Variants in ANKRD31 observed in about 807,000 individuals in gnomAD.
ANKRD31 encodes ankyrin repeat domain-containing protein 31.
A neutral mutation model predicts 186.0 loss-of-function variants in ANKRD31; 147 were observed. That is an observed-to-expected ratio of 0.79 (90% CI 0.69 to 0.91). The LOEUF is 0.91. ANKRD31 is among the 40% of genes least tolerant of loss of function. ANKRD31 has a pLI of 0.00. For synonymous variants in ANKRD31, 673 were observed against 736.4 expected, an observed-to-expected ratio of 0.91 and a Z score of 1.39; for missense variants, 1,986 against 2,148.8, an observed-to-expected ratio of 0.92 and a Z score of 1.50.
intron 3 of ANKRD31, among the ~76,000 whole-genome samples, chr5:75,213,801 AC>A (rs570666192): frequency 4.1e-4 from 62 of 152,314 alleles, no homozygotes; most frequent in Middle Eastern, 3.4e-3. Flanking sequence ...TATATCCTCA[AC>A]CAAAAAAGCA....
intron 2 of ANKRD31, among the ~76,000 whole-genome samples, chr5:75,225,071 C>G (rs1757552225): frequency 6.6e-6 from 1 of 152,110 alleles, no homozygotes; most frequent in Non-Finnish European, 1.5e-5. Flanking sequence ...TTTTATTTGA[C>G]ACAGACTGAA....
intron 10 of ANKRD31, among the ~76,000 whole-genome samples, chr5:75,187,110 T>TGTGTG (rs1754781261): frequency 1.2e-3 from 139 of 116,254 alleles, no homozygotes; most frequent in African/African-American, 4.5e-3. Flanking sequence ...TGATTCTGTT[T>TGTGTG]TGTGTGTGTG....
intron 23 of ANKRD31, among the ~76,000 whole-genome samples, chr5:75,087,591 T>C (rs1745600637): frequency 6.6e-6 from 1 of 151,984 alleles, no homozygotes. Context: ...TTTTAAGAAG[T>C]CAATCTTACA....
intron 19 of ANKRD31, among the ~76,000 whole-genome samples, chr5:75,115,419 A>C (rs967842915): frequency 6.6e-6 from 1 of 152,228 alleles, no homozygotes; most frequent in Non-Finnish European, 1.5e-5. Context: ...GGATCTAATT[A>C]AACTAAAGAG....
chr5:75,154,373 A>G (rs1275578854), intron 11 of ANKRD31, 28 bp from the exon 12 acceptor site: 23 of 1,516,650 alleles, frequency 1.5e-5, no homozygotes, highest in Non-Finnish European at 2.0e-5. Context: ...ATGTAAGGGA[A>G]CCCAGATTGA....
At chr5:75,174,632 CTCA>C (rs1753628730) in intron 10 of ANKRD31, among the ~76,000 whole-genome samples, 1 of 152,206 alleles carries the variant, frequency 6.6e-6, no homozygotes, top group Admixed American at 6.5e-5. Flanking sequence ...TGAAAAAATG[CTCA>C]TCATCACTGA....
At position 75,137,983 on chromosome 5, in the gene ANKRD31, T is replaced by C. The variant is rs768606220; in HGVS notation, c.3749A>G (p.His1250Arg). ...LNDNAGWTPL[H>R]EASNEGSIDI... ...AATAGATCCTTCATTAGATGCCTCA[T>C]GAAGTGGTGTCCAACCTAAAAAAAG... The change falls in exon 17 of 26, where the codon CAT (histidine) becomes CGT (arginine). Residue 1250 changes from histidine (H) to arginine (R), a missense_variant. Physicochemically the swap from His to Arg is conservative, Grantham distance 29 (BLOSUM62 0). Coordinates refer to ENST00000506364, the MANE Select transcript of ANKRD31 (RefSeq NM_001372053.1). 1.3e-6 allele frequency: 2 copies of C among 1,491,956 alleles called. No homozygotes were observed. The highest frequency in any genetic ancestry group is 2.7e-5 in the South Asian group (2 of 74,520). 92.4% of individuals were successfully genotyped at this position (1,491,956 alleles called of 1,614,324 possible).
intron 17 of ANKRD31, among the ~76,000 whole-genome samples, chr5:75,137,174 T>G (rs1237866522): frequency 2.0e-5 from 3 of 151,976 alleles, no homozygotes; most frequent in African/African-American, 7.3e-5. Context: ...ATAAAAAAAG[T>G]AGATACTTTA....
intron 21 of ANKRD31, among the ~76,000 whole-genome samples, chr5:75,106,411 AAAG>A (rs950802641): frequency 6.6e-6 from 1 of 152,084 alleles, no homozygotes; most frequent in African/African-American, 2.4e-5. Flanking sequence ...CTGGATGTTA[AAAG>A]AAGTAGTATA....
chr5:75,216,647 C>T (rs1399770212), intron 3 of ANKRD31, among the ~76,000 whole-genome samples: 1 of 152,080 alleles, frequency 6.6e-6, no homozygotes, highest in Non-Finnish European at 1.5e-5. Flanking sequence ...GATACACTTT[C>T]CTAAGTATGA....
chr5:75,081,695 A>G (rs1745088417), intron 24 of ANKRD31, among the ~76,000 whole-genome samples: 1 of 150,800 alleles, frequency 6.6e-6, no homozygotes, highest in African/African-American at 2.5e-5. Context: ...AGAGAGAGAG[A>G]GAGACAGAGA....
rs79483518 is a variant in ANKRD31, at chr5:75,214,549, A to T, written c.289-3684T>A. ...CCACGGGGGCTTTAAAAGACCATGC[A>T]GTGCATAATCTCTCCATGAGCTCTG... On this transcript the variant is annotated intron_variant, in intron 3 of 25. Transcript: ENST00000506364. 2.4e-3 allele frequency among the ~76,000 whole-genome samples: 369 copies of T among 152,314 alleles called. 9 individuals are homozygous for T. The East Asian group carries it at 0.062, about 25-fold the overall frequency.
At position 75,146,779 on chromosome 5, in the gene ANKRD31, G is replaced by T; in HGVS notation, c.2632C>A (p.Pro878Thr). 6.5e-7 allele frequency: 1 copy of T among 1,535,978 alleles called. No individual in the cohort carries two copies. The highest frequency in any genetic ancestry group is 1.2e-5 in the South Asian group (1 of 83,994). Residue 878 changes from proline to threonine, a missense_variant, in exon 14 of 26, where the codon CCA becomes ACA. By Grantham distance (38) the Pro-to-Thr change is conservative. Transcript: ENST00000506364. ...YKSHENSNLV[P>T]KDERFNKWEN... ...CATTTGTTAAATCTCTCATCTTTTG[G>T]GACCAAGTTACTGTTTTCATGAGAT...
intron 15 of ANKRD31, among the ~76,000 whole-genome samples, chr5:75,140,614 G>T (rs1750984189): frequency 6.6e-6 from 1 of 152,088 alleles, no homozygotes; most frequent in Non-Finnish European, 1.5e-5. Flanking sequence ...CATATTGAGG[G>T]TATTTCATTT....
At chr5:75,175,491 T>C (rs1161985484) in intron 10 of ANKRD31, among the ~76,000 whole-genome samples, 2 of 152,048 alleles carry the variant, frequency 1.3e-5, no homozygotes, top group East Asian at 3.9e-4. Context: ...AAAACTAATA[T>C]AGAGTGAAAA....
chr5:75,179,945 C>G (rs1464733770), intron 10 of ANKRD31, among the ~76,000 whole-genome samples: 1 of 152,120 alleles, frequency 6.6e-6, no homozygotes, highest in Non-Finnish European at 1.5e-5. Context: ...GTCAAATTGT[C>G]CCTGTTTTCA....
chr5:75,151,572 C>T (rs1421360946), intron 12 of ANKRD31, among the ~76,000 whole-genome samples: 1 of 152,006 alleles, frequency 6.6e-6, no homozygotes, highest in African/African-American at 2.4e-5. Context: ...TTCCTTAGGC[C>T]TCCCTAGTCC....
chr5:75,176,044 G>A (rs567339765), intron 10 of ANKRD31, among the ~76,000 whole-genome samples: 5 of 152,266 alleles, frequency 3.3e-5, no homozygotes, highest in South Asian at 4.1e-4. Flanking sequence ...CTAATACTGC[G>A]CTTTTCCAAC....
chr5:75,109,958 C>A (rs1277892041), intron 20 of ANKRD31, among the ~76,000 whole-genome samples: 2 of 152,178 alleles, frequency 1.3e-5, no homozygotes, highest in Non-Finnish European at 2.9e-5. Context: ...GAAAACTGCT[C>A]TCCAGAGACT....
Sources: gnomAD v4.1 joint callset for allele counts (sites outside exome capture counted in the v4.1 genomes callset) on GRCh38, gnomAD v4.1.1 for gene constraint, MANE v1.5 for transcripts, NCBI Gene and HGNC (gene_info 2026-07-23, HGNC 2026-07-21) for gene names.